The following BCO1 variants were observed in gnomAD, a reference collection of about 807,000 sequenced individuals.
The protein encoded by BCO1 is beta-carotene oxygenase 1, also known as beta,beta-carotene 15,15'-dioxygenase.
In BCO1, 54 loss-of-function variants were observed where a neutral mutation model predicts 56.3. The observed-to-expected ratio is 0.96, with a 90% CI of 0.77 to 1.20. The LOEUF (loss-of-function observed/expected upper bound fraction) is 1.20, where lower values mean the gene tolerates loss of function less well. Ranked by LOEUF, BCO1 falls within the 50% of genes most tolerant of loss-of-function variation. BCO1 has a pLI of 0.00. For synonymous variants in BCO1, 318 were observed against 266.1 expected, an observed-to-expected ratio of 1.20 and a Z score of -1.90; for missense variants, 801 against 690.9, an observed-to-expected ratio of 1.16 and a Z score of -1.79.
chr16:81,262,900 T>G (rs1249022726), intron 4 of BCO1: 1 of 157,196 alleles, frequency 6.4e-6, no homozygotes, highest in East Asian at 1.9e-4. Flanking sequence ...CTCTCACAGT[T>G]CTGGAGGTTA....
rs11864648 is a variant in BCO1, at chr16:81,281,407, T to C, written c.1207+445T>C. On this transcript the variant is annotated intron_variant, in intron 8 of 10. Transcript: ENST00000258168. ...ATTGCAGTGAGTTGAGATTGTGCTA[T>C]TGTACTCCAGCCTGGGCAACAGAGC... is the stretch of plus-strand genomic sequence containing the variant. Among the ~76,000 whole-genome samples, 944 of 152,264 alleles carry C rather than the reference T, an allele frequency of 6.2e-3. 8 individuals are homozygous for C. The highest frequency in any genetic ancestry group is 0.022 in the African/African-American group (909 of 41,552).
chr16:81,249,202 T>A (rs1445443525), intron 2 of BCO1, among the ~76,000 whole-genome samples: 1 of 151,818 alleles, frequency 6.6e-6, no homozygotes, highest in Non-Finnish European at 1.5e-5. Context: ...GTGATTCTCA[T>A]GTCTCAGCCT....
At chr16:81,240,056 C>G (rs983795392) in intron 1 of BCO1, among the ~76,000 whole-genome samples, 2 of 151,400 alleles carry the variant, frequency 1.3e-5, no homozygotes, top group African/African-American at 2.4e-5. Context: ...CCTTGGGAGT[C>G]TTTTGAAACA....
chr16:81,245,913 A>G (rs571281637), intron 2 of BCO1, among the ~76,000 whole-genome samples: 23 of 122,972 alleles, frequency 1.9e-4, no homozygotes, highest in African/African-American at 7.0e-4. Context: ...CCCAAGCTGG[A>G]GTGCAATGGT....
At chr16:81,251,896 A>C (rs1035564392) in intron 2 of BCO1, among the ~76,000 whole-genome samples, 13 of 131,186 alleles carry the variant, frequency 9.9e-5, no homozygotes, top group Non-Finnish European at 3.2e-5. Flanking sequence ...GTGTGTATAT[A>C]TATCTATATC....
intron 2 of BCO1, among the ~76,000 whole-genome samples, chr16:81,255,092 G>C (rs1906048972): frequency 2.0e-5 from 3 of 152,178 alleles, no homozygotes; most frequent in African/African-American, 2.4e-5. Context: ...CCCAGGTCCT[G>C]TTTCTTGATC....
chr16:81,238,857 C>G lies in BCO1; in HGVS notation c.-52C>G, dbSNP rs374089152. 5.4e-5 allele frequency: 82 copies of G among 1,528,110 alleles called. No homozygotes were observed. The highest frequency in any genetic ancestry group is 6.7e-5 in the Non-Finnish European group (74 of 1,102,098). 94.7% of individuals were successfully genotyped at this position (1,528,110 alleles called of 1,614,324 possible). A position where few individuals can be genotyped will look rare whatever the true frequency, so the allele number is the denominator to read the frequency against. ...GAGGGAGCAGCATCTCCTGTGAACA[C>G]AGAGGAGCACCTGTTTGCTGTTAAA... On this transcript the variant is annotated 5_prime_UTR_variant, in exon 1 of 11. Transcript: ENST00000258168.
chr16:81,276,358 C>A (rs1907555611), intron 7 of BCO1, among the ~76,000 whole-genome samples: 1 of 152,240 alleles, frequency 6.6e-6, no homozygotes, highest in African/African-American at 2.4e-5. Flanking sequence ...CCACCCCAAC[C>A]ATGTGCTGGA....
chr16:81,270,428 C>T lies in BCO1; in HGVS notation c.1101+12C>T. 6.2e-7 allele frequency: 1 copy of T among 1,613,766 alleles called. No homozygotes were observed. Among genetic ancestry groups the T allele is most frequent in the South Asian group, 1.1e-5 (1 of 91,062 alleles). On this transcript the variant is annotated intron_variant, in intron 7 of 10. Transcript: ENST00000258168. ...TCCACGTGGACAAGGTAATGGCTTC[C>T]AAGGAGGTCCCTTTTCTTTCTAGAG... is the stretch of plus-strand genomic sequence containing the variant.
Position 81,290,544 on chromosome 16 carries a change from G to A in BCO1, c.1611G>A (p.Arg537=). ...CCGCTTCTGAGGAACAGCGGGACAG[G>A]GCTTCCGACTGCCACGGGGCTCCTC... ...KQAASEEQRD[R]ASDCHGAPLT is the part of the protein sequence containing the mutation. The change falls in exon 11 of 11, where the codon AGG becomes AGA. Residue 537 remains arginine (R), a synonymous_variant. Coordinates refer to ENST00000258168, the MANE Select transcript of BCO1 (RefSeq NM_017429.3). 1.2e-6 allele frequency: 2 copies of A among 1,614,012 alleles called. No individual in the cohort carries two copies. Among genetic ancestry groups the A allele is most frequent in the Non-Finnish European group, 1.7e-6 (2 of 1,180,032 alleles).
chr16:81,285,888 A>T (rs1448768672), intron 9 of BCO1, among the ~76,000 whole-genome samples: 1 of 152,172 alleles, frequency 6.6e-6, no homozygotes, highest in African/African-American at 2.4e-5. Flanking sequence ...ATGAGCACCA[A>T]TTATGGGCTA....
chr16:81,260,962 G>C (rs1272615684), intron 3 of BCO1, among the ~76,000 whole-genome samples: 1 of 152,200 alleles, frequency 6.6e-6, no homozygotes. Context: ...TTGAAGGGTG[G>C]ACTGGCCCAG....
At chr16:81,253,378 G>A (rs776865529) in intron 2 of BCO1, among the ~76,000 whole-genome samples, 2 of 152,158 alleles carry the variant, frequency 1.3e-5, no homozygotes, top group Non-Finnish European at 2.9e-5. Flanking sequence ...ACTGTGTCAC[G>A]ATCCTCATGT....
chr16:81,270,746 A>G (rs570973040), intron 7 of BCO1, among the ~76,000 whole-genome samples: 16 of 132,742 alleles, frequency 1.2e-4, no homozygotes, highest in Non-Finnish European at 1.7e-5. Context: ...CATATTGTAC[A>G]TAATTTTTTT....
chr16:81,288,404 A>G (rs1052264021), intron 10 of BCO1, among the ~76,000 whole-genome samples: 6 of 152,180 alleles, frequency 3.9e-5, no homozygotes, highest in African/African-American at 1.4e-4. Flanking sequence ...CTGGAGCTAC[A>G]GGGGCACACC....
chr16:81,284,680 T>C (rs988098657), intron 8 of BCO1, among the ~76,000 whole-genome samples: 4 of 152,156 alleles, frequency 2.6e-5, no homozygotes, highest in African/African-American at 7.2e-5. Flanking sequence ...GATGGGGTTC[T>C]TGCCATGTTG....
At chr16:81,255,338 CCT>C (rs1351806437) in intron 2 of BCO1, among the ~76,000 whole-genome samples, 1 of 152,156 alleles carries the variant, frequency 6.6e-6, no homozygotes, top group African/African-American at 2.4e-5. Flanking sequence ...AGCTGCTTAA[CCT>C]CTCTGTGCCT....
intron 2 of BCO1, among the ~76,000 whole-genome samples, chr16:81,252,061 T>C (rs1905840863): frequency 6.6e-6 from 1 of 151,974 alleles, no homozygotes; most frequent in Non-Finnish European, 1.5e-5. Flanking sequence ...CCTTCTGTAA[T>C]CTCAACCTCA....
chr16:81,256,769 T>A (rs1387047203), intron 2 of BCO1, among the ~76,000 whole-genome samples: 1 of 152,048 alleles, frequency 6.6e-6, no homozygotes, highest in African/African-American at 2.4e-5. Context: ...ATGCCTGTAG[T>A]CCCAGCTATT....
Sources: allele counts gnomAD v4.1 joint callset (sites outside exome capture counted in the v4.1 genomes callset), GRCh38; gene constraint gnomAD v4.1.1; transcripts MANE v1.5; gene names NCBI Gene and HGNC (gene_info 2026-07-23, HGNC 2026-07-21).